CPM: variants seen among roughly 807,000 people sequenced by gnomAD.
The protein encoded by CPM is carboxypeptidase M, also known as renal carboxypeptidase.
Under a neutral mutation model 46.4 loss-of-function variants are expected in CPM, and 35 were observed. That is an observed-to-expected ratio of 0.75 (90% CI 0.58 to 1.00). The LOEUF is 1.00. Ranked by LOEUF, CPM falls within the 50% of genes least tolerant of loss-of-function variation. CPM has a pLI of 0.00. For synonymous variants in CPM, 195 were observed against 195.3 expected (o/e 1.00, Z 0.01); for missense variants, 422 against 530.4 (o/e 0.80, Z 2.01).
chr12:68,872,861 G>A (rs1216534296), intron 3 of CPM, among the ~76,000 whole-genome samples: 1 of 151,788 alleles, frequency 6.6e-6, no homozygotes, highest in Non-Finnish European at 1.5e-5. Flanking sequence ...GTAAAAGCAT[G>A]ACTATTAAAA....
At position 68,851,661 on chromosome 12, in the gene CPM, A is replaced by G. The variant is rs890201180; in HGVS notation, c.*4776T>C. 6.6e-6 allele frequency: 1 copy of G among 152,062 alleles called. No individual in the cohort carries two copies. Among genetic ancestry groups the G allele is most frequent in the African/African-American group, 2.4e-5 (1 of 41,424 alleles). 9.4% of individuals were successfully genotyped at this position (152,062 alleles called of 1,614,324 possible). ...AGTTACCAGGAAAACTGGTAAGATC[A>G]GCTATAAAACATCTATAAAAGGCAA... On this transcript the variant is annotated 3_prime_UTR_variant, in exon 9 of 9. Coordinates refer to ENST00000551568, the MANE Select transcript of CPM (RefSeq NM_198320.5).
chr12:68,885,820 T>C lies in CPM; in HGVS notation c.230A>G (p.Lys77Arg). 6.2e-7 allele frequency: 1 copy of C among 1,614,166 alleles called. No homozygotes were observed. Among genetic ancestry groups the C allele is most frequent in the Non-Finnish European group, 8.5e-7 (1 of 1,179,998 alleles). Residue 77 changes from lysine (K) to arginine (R), a missense_variant, in exon 3 of 9, where the codon AAA becomes AGA. By Grantham distance (26) the Lys-to-Arg change is conservative. Transcript: ENST00000551568. ...KEHRIGIPEFKYVANMHGDET... is the reference protein window; with the variant it reads ...KEHRIGIPEFRYVANMHGDET... ...ATCTCCATGCATATTTGCCACGTAT[T>C]TGAACTCTGGAATCCCAATTCTGTG...
chr12:68,906,145 T>C (rs952731958), intron 2 of CPM, among the ~76,000 whole-genome samples: 2 of 152,180 alleles, frequency 1.3e-5, no homozygotes, highest in African/African-American at 4.8e-5. Flanking sequence ...GCTCTACTTA[T>C]AGAGTCCTAT....
chr12:68,884,156 G>A (rs1413559426), intron 3 of CPM, among the ~76,000 whole-genome samples: 3 of 146,814 alleles, frequency 2.0e-5, no homozygotes, highest in Admixed American at 6.8e-5. Context: ...CCTTGATCAA[G>A]GGACCTCGAT....
At position 68,961,775 on chromosome 12, in the gene CPM, A is replaced by AACC. The variant is rs1446234029; in HGVS notation, c.-4+1393_-4+1394insGGT. Among the ~76,000 whole-genome samples the AACC allele has an allele frequency of 4.2e-5, 6 of 142,146 alleles. No individual in the cohort carries two copies. In the East Asian group the frequency reaches 8.4e-4, roughly 20 times the overall value. 93.3% of individuals were successfully genotyped at this position (142,146 alleles called of 152,430 possible). On this transcript the variant is annotated intron_variant, in intron 1 of 8. Coordinates refer to the CPM transcript ENST00000546373. The stretch of plus-strand genomic sequence containing the variant: ...CTAAATAAACAAACAGACAAACAAC[A>AACC]ACAAAAAACTCAACAACTGTGTAGG...
intron 7 of CPM, 56 bp from the exon 8 acceptor site, chr12:68,859,127 T>A: frequency 1.0e-6 from 1 of 962,422 alleles, no homozygotes; most frequent in Non-Finnish European, 1.4e-6. Flanking sequence ...CATATAAAAA[T>A]TATTATAAAT....
intron 2 of CPM, among the ~76,000 whole-genome samples, chr12:68,931,847 T>C (rs1296415283): frequency 1.3e-5 from 2 of 152,010 alleles, no homozygotes; most frequent in Non-Finnish European, 2.9e-5. Context: ...GTGCCAGTCC[T>C]GGCTATAAAA....
chr12:68,948,507 G>A (rs780685961), intron 1 of CPM, among the ~76,000 whole-genome samples: 1 of 152,122 alleles, frequency 6.6e-6, no homozygotes, highest in Non-Finnish European at 1.5e-5. Flanking sequence ...ATAGGGAGTT[G>A]GGAAGGCTTT....
downstream of CPM, chr12:68,850,554 A>G (rs1884621147): frequency 6.6e-6 from 1 of 152,154 alleles, no homozygotes; most frequent in African/African-American, 2.4e-5. Context: ...CTGTCCTATG[A>G]CTAAGTCGAT....
At chr12:68,847,619 A>G (rs1246850471), downstream of CPM, 1 of 150,958 alleles carries the variant, frequency 6.6e-6, no homozygotes, top group East Asian at 2.0e-4. Flanking sequence ...GCGCCTGGCT[A>G]ATTTTTTGTA....
intron 3 of CPM, among the ~76,000 whole-genome samples, chr12:68,876,436 C>A (rs1368540275): frequency 6.6e-6 from 1 of 152,214 alleles, no homozygotes; most frequent in Non-Finnish European, 1.5e-5. Flanking sequence ...TTCAAACACT[C>A]ATTCATGTTT....
intron 2 of CPM, among the ~76,000 whole-genome samples, chr12:68,930,280 C>T (rs141815002): frequency 4.2e-4 from 64 of 152,328 alleles, no homozygotes; most frequent in African/African-American, 1.4e-3. Context: ...CAACGTTTCA[C>T]CATGTTGGCC....
At chr12:68,862,909 G>C (rs1367145769) in intron 7 of CPM, among the ~76,000 whole-genome samples, 1 of 151,312 alleles carries the variant, frequency 6.6e-6, no homozygotes, top group African/African-American at 2.4e-5. Context: ...CAAATGAGAA[G>C]ACATAAAATC....
At chr12:68,909,893 G>A (rs949745299) in intron 2 of CPM, among the ~76,000 whole-genome samples, 10 of 151,536 alleles carry the variant, frequency 6.6e-5, no homozygotes, top group East Asian at 3.9e-4. Context: ...GTAGGTGACG[G>A]GTTGATGGGT....
At chr12:68,942,619 C>T (rs546000707) in intron 1 of CPM, among the ~76,000 whole-genome samples, 18 of 152,122 alleles carry the variant, frequency 1.2e-4, no homozygotes, top group African/African-American at 3.6e-4. Context: ...CTAGGGAATA[C>T]GACTGTAAAC....
At chr12:68,904,138 T>G (rs79174132) in intron 2 of CPM, among the ~76,000 whole-genome samples, 1,689 of 152,266 alleles carry the variant, frequency 0.011, 33 homozygotes, top group African/African-American at 0.038. Flanking sequence ...CCTTGGCCCC[T>G]GAAAGCACTG....
At chr12:68,962,130 G>A (rs1295998799) in intron 1 of CPM, among the ~76,000 whole-genome samples, 1 of 151,018 alleles carries the variant, frequency 6.6e-6, no homozygotes, top group African/African-American at 2.5e-5. Context: ...AACCTGGGAG[G>A]CGGAGCTTGC....
At chr12:68,925,005 A>T (rs962299768) in intron 2 of CPM, among the ~76,000 whole-genome samples, 1 of 152,168 alleles carries the variant, frequency 6.6e-6, no homozygotes, top group Non-Finnish European at 1.5e-5. Flanking sequence ...AATGTCTGTT[A>T]ATGATGGGAA....
chr12:68,906,643 T>C (rs769372626), intron 2 of CPM, among the ~76,000 whole-genome samples: 13 of 151,976 alleles, frequency 8.6e-5, no homozygotes, highest in Non-Finnish European at 1.8e-4. Flanking sequence ...GTATCCGCCA[T>C]CACACCTGGC....
Sources: gnomAD v4.1 joint callset for allele counts (sites outside exome capture counted in the v4.1 genomes callset) on GRCh38, gnomAD v4.1.1 for gene constraint, MANE v1.5 for transcripts, NCBI Gene and HGNC (gene_info 2026-07-23, HGNC 2026-07-21) for gene names.